The following IQSEC1 variants were observed in gnomAD, a reference collection of about 807,000 sequenced individuals.
The protein encoded by IQSEC1 is IQ motif and SEC7 domain-containing protein 1.
A neutral mutation model predicts 91.0 loss-of-function variants in IQSEC1; 31 were observed. The ratio of observed to expected loss-of-function variants is 0.34; its 90% CI spans 0.26 to 0.46. The LOEUF is 0.46. Among genes scored for constraint, IQSEC1 ranks in the 20% least tolerant of loss-of-function variants. The pLI, the probability that IQSEC1 is intolerant of heterozygous loss-of-function variation, is 1.00. For missense variants in IQSEC1, 1,388 were observed against 1,575.6 expected (o/e 0.88, Z 2.02); for synonymous variants, 699 against 662.6 (o/e 1.05, Z -0.84).
intron 2 of IQSEC1, among the ~76,000 whole-genome samples, chr3:13,134,310 C>T (rs1706672221): frequency 6.6e-6 from 1 of 152,228 alleles, no homozygotes; most frequent in African/African-American, 2.4e-5. Context: ...TGAATAACTC[C>T]TCCTACCCTG....
chr3:13,264,388 G>A (rs544529591), intron 1 of IQSEC1, among the ~76,000 whole-genome samples: 2 of 152,326 alleles, frequency 1.3e-5, no homozygotes, highest in East Asian at 3.9e-4. Context: ...GGGCGGACAC[G>A]GTGAAAACAC....
intron 12 of IQSEC1, 45 bp from the exon 13 acceptor site, chr3:12,902,867 C>A: frequency 6.9e-7 from 1 of 1,448,698 alleles, no homozygotes. Flanking sequence ...GGACATGAGG[C>A]TGGGGGTGCT....
rs896406499 is a variant in IQSEC1, at chr3:13,008,141, T to C, written c.23+64851A>G. ...TGAAACGGGGTTACTTAGGTACTTC[T>C]TGGCAGTTCTGAAGTTCAGGACTGA... On this transcript the variant is annotated intron_variant, in intron 1 of 13. Transcript: ENST00000613206. This position sits in a 1 kb window ranked among gnomAD's most constrained non-coding sequence, Gnocchi z 4.1. 6.6e-6 allele frequency among the ~76,000 whole-genome samples: 1 copy of C among 152,200 alleles called. No individual in the cohort carries two copies. The highest frequency in any genetic ancestry group is 6.5e-5 in the Admixed American group (1 of 15,288).
In IQSEC1 at chr3:12,967,062, A is replaced by C. The variant is rs1700618485; in HGVS notation, c.24-25197T>G. Among the ~76,000 whole-genome samples the C allele has an allele frequency of 1.4e-5, 2 of 145,732 alleles. No homozygotes were observed. The highest frequency in any genetic ancestry group is 2.0e-4 in the East Asian group (1 of 4,914). ...TTCCCTCTCAAGCCCCCAAACTCAA[A>C]CTCACCCCCACACCAACTTGCACTC... On this transcript the variant is annotated intron_variant, in intron 1 of 13. Coordinates refer to ENST00000613206, the MANE Select transcript of IQSEC1 (RefSeq NM_001134382.3). The surrounding 1 kb of genome is among the most constrained non-coding windows in gnomAD (Gnocchi z 5.9).
At chr3:13,267,442 C>G (rs1293837819) in intron 1 of IQSEC1, among the ~76,000 whole-genome samples, 1 of 152,118 alleles carries the variant, frequency 6.6e-6, no homozygotes, top group Admixed American at 6.6e-5. Flanking sequence ...AGAAGAGAGG[C>G]TGACATTCTG....
intron 1 of IQSEC1, among the ~76,000 whole-genome samples, chr3:12,998,932 T>C (rs192804079): frequency 1.1e-3 from 161 of 152,180 alleles, no homozygotes; most frequent in African/African-American, 3.7e-3. Flanking sequence ...TTTCCCAACA[T>C]GAAGCTTTGC....
intron 2 of IQSEC1, among the ~76,000 whole-genome samples, chr3:13,110,479 C>T (rs1234164369): frequency 6.6e-6 from 1 of 152,090 alleles, no homozygotes; most frequent in Non-Finnish European, 1.5e-5. Flanking sequence ...ATCCCAACTA[C>T]TTGGGAGGCT....
intron 1 of IQSEC1, among the ~76,000 whole-genome samples, chr3:13,263,726 G>C (rs1470662509): frequency 6.6e-6 from 1 of 152,092 alleles, no homozygotes; most frequent in Non-Finnish European, 1.5e-5. Context: ...CAGGCTCTTT[G>C]TGCCCAATGT....
chr3:13,038,292 A>ATATATATG (rs1704119965), intron 1 of IQSEC1, among the ~76,000 whole-genome samples: 1 of 137,110 alleles, frequency 7.3e-6, no homozygotes, highest in Non-Finnish European at 1.6e-5. Flanking sequence ...ATATATATAT[A>ATATATATG]TATATAAAAT....
At chr3:13,200,114 C>T (rs1694214523) in intron 1 of IQSEC1, among the ~76,000 whole-genome samples, 1 of 149,928 alleles carries the variant, frequency 6.7e-6, no homozygotes, top group Non-Finnish European at 1.5e-5. Flanking sequence ...CGCACACACA[C>T]ATACACCACA....
At chr3:13,250,603 A>ATTTATTTTAT (rs201541847) in intron 1 of IQSEC1, among the ~76,000 whole-genome samples, 120 of 134,788 alleles carry the variant, frequency 8.9e-4, no homozygotes, top group Admixed American at 1.5e-3. Flanking sequence ...CACCCAGATA[A>ATTTATTTTAT]TTTATTTTAT....
intron 1 of IQSEC1, among the ~76,000 whole-genome samples, chr3:13,248,682 A>G (rs1027123607): frequency 1.3e-5 from 2 of 152,246 alleles, no homozygotes; most frequent in African/African-American, 2.4e-5. Flanking sequence ...TGCTGTAAGT[A>G]TAAATCTTGG....
intron 1 of IQSEC1, among the ~76,000 whole-genome samples, chr3:13,247,977 G>C (rs1422094471): frequency 2.4e-4 from 37 of 152,206 alleles, no homozygotes; most frequent in Non-Finnish European, 2.9e-5. Context: ...CTCCTGCCTT[G>C]TGCCTGTGGT....
chr3:12,915,755 A>C (rs1244372262), intron 6 of IQSEC1, 22 bp from the exon 7 acceptor site: 1 of 1,612,040 alleles, frequency 6.2e-7, no homozygotes, highest in South Asian at 1.1e-5. Context: ...ATGCAGCTGG[A>C]TATCAGGGTG....
rs139985592 is a variant in IQSEC1 at position 13,056,760 on chromosome 3, C to T, written c.23+16232G>A. Among the ~76,000 whole-genome samples, 1,041 of 152,234 alleles carry T rather than the reference C, an allele frequency of 6.8e-3. 12 individuals are homozygous for T. Among genetic ancestry groups the T allele is most frequent in the African/African-American group, 0.024 (994 of 41,528 alleles). ...GCGAGTTTTCCCTGAGGGTGTCCTT[C>T]CACTGGAAGTCCTTAGGATATTCAG... is the stretch of plus-strand genomic sequence containing the variant. On this transcript the variant is annotated intron_variant, in intron 1 of 13. Coordinates refer to ENST00000613206, the MANE Select transcript of IQSEC1 (RefSeq NM_001134382.3).
intron 1 of IQSEC1, among the ~76,000 whole-genome samples, chr3:12,975,478 C>A (rs1162969661): frequency 6.6e-6 from 1 of 152,242 alleles, no homozygotes; most frequent in Non-Finnish European, 1.5e-5. Context: ...CAACAACCTT[C>A]CATTTTACAG....
chr3:12,941,571 C>A lies in IQSEC1; in HGVS notation c.318G>T (p.Gln106His). 2 of 1,566,534 alleles carry A rather than the reference C, an allele frequency of 1.3e-6. No homozygotes were observed. Among genetic ancestry groups the A allele is most frequent in the South Asian group, 1.2e-5 (1 of 86,100 alleles). The change falls in exon 2 of 14, where the codon CAG (glutamine) becomes CAT (histidine). Residue 106 changes from glutamine (Q) to histidine (H), a missense_variant and splice_region_variant. Transcript: ENST00000613206. The stretch of plus-strand genomic sequence containing the variant: ...GGCCTGAGGGGCTGTGCTCTCCTAC[C>A]TGCTTGTCCTGCAGGTCCGAGGAGA... ...YELSSDLQDK[Q>H]VEMLERKYGG...
chr3:13,105,534 G>A (rs1706139647), intron 2 of IQSEC1, among the ~76,000 whole-genome samples: 1 of 152,186 alleles, frequency 6.6e-6, no homozygotes, highest in Non-Finnish European at 1.5e-5. Context: ...GAAGCTGGCA[G>A]TTGCATTTTA....
chr3:12,899,530 CAAG>C lies in IQSEC1; in HGVS notation c.*1450_*1452del. On this transcript the variant is annotated 3_prime_UTR_variant, in exon 14 of 14. Transcript: ENST00000613206. ...TGGTGTCACCACAACACAGAAGCGACAAGAGCACAGCTGAGAGTCATGTGATGC... is the reference window on the plus strand; with the variant it reads ...TGGTGTCACCACAACACAGAAGCGACAGCACAGCTGAGAGTCATGTGATGC... The C allele has an allele frequency of 6.5e-7, 1 of 1,533,006 alleles. No individual in the cohort carries two copies. The highest frequency in any genetic ancestry group is 8.8e-7 in the Non-Finnish European group (1 of 1,132,708). The allele number at this position is 1,533,006 out of a possible 1,614,324, so 95.0% of individuals were successfully genotyped here.
Sources: allele counts gnomAD v4.1 joint callset (sites outside exome capture counted in the v4.1 genomes callset), GRCh38; gene constraint gnomAD v4.1.1; non-coding constraint Gnocchi (gnomAD v3.1); transcripts MANE v1.5; gene names NCBI Gene and HGNC (gene_info 2026-07-23, HGNC 2026-07-21).